GLB1L2: variants seen among roughly 807,000 people sequenced by gnomAD.
GLB1L2 encodes beta-galactosidase-1-like protein 2.
GLB1L2 carries 68 observed loss-of-function variants against 84.1 expected under a neutral mutation model. That is an observed-to-expected ratio of 0.81 (90% confidence interval 0.67 to 0.99). The LOEUF (loss-of-function observed/expected upper bound fraction) is 0.99, where lower values mean the gene tolerates loss of function less well. GLB1L2 is among the 50% of genes least tolerant of loss of function. The probability of loss-of-function intolerance (pLI) is 0.00; values close to 1 mark genes in which losing one functional copy is unlikely to be tolerated. For missense variants in GLB1L2, 762 were observed against 805.6 expected (o/e 0.95, Z 0.66); for synonymous variants, 290 against 318.0 (o/e 0.91, Z 0.94).
chr11:134,371,726 C>A, intron 14 of GLB1L2, 26 bp from the exon 15 acceptor site: 1 of 1,611,812 alleles, frequency 6.2e-7, no homozygotes, highest in South Asian at 1.1e-5. Context: ...TTCTGACAGT[C>A]ATCGTTAGCC....
Position 134,370,630 on chromosome 11 carries a change from T to C in GLB1L2, c.1215+231T>C, listed in dbSNP as rs3741099. Among the ~76,000 whole-genome samples the C allele has an allele frequency of 0.24, 35,815 of 151,378 alleles. 5,274 individuals are homozygous for C. Among genetic ancestry groups the C allele is most frequent in the Admixed American group, 0.38 (5,792 of 15,236 alleles). Reference sequence around the variant, plus strand: ...GGAAGAGGACAGACTCATGCTGGAGTGTGAAGTGGGAGAAACAGAGGTCCC... The same window carrying C: ...GGAAGAGGACAGACTCATGCTGGAGCGTGAAGTGGGAGAAACAGAGGTCCC... On this transcript the variant is annotated intron_variant, in intron 12 of 18. Transcript: ENST00000535456. This position sits in a 1 kb window ranked among gnomAD's most constrained non-coding sequence, Gnocchi z 4.7.
intron 6 of GLB1L2, among the ~76,000 whole-genome samples, chr11:134,358,477 G>A (rs1445060534): frequency 3.9e-5 from 6 of 152,376 alleles, no homozygotes; most frequent in Admixed American, 6.5e-5. Flanking sequence ...CAAGCACAGC[G>A]TTTCTTCCAC....
chr11:134,335,911 C>T (rs780454391), intron 1 of GLB1L2, among the ~76,000 whole-genome samples: 6 of 152,194 alleles, frequency 3.9e-5, no homozygotes, highest in Non-Finnish European at 7.3e-5. Context: ...TCCCTCTCCA[C>T]CATCACCAGC....
rs188279814 is a variant in GLB1L2 at position 134,339,952 on chromosome 11, C to A, written c.87-2802C>A. 6.6e-5 allele frequency among the ~76,000 whole-genome samples: 10 copies of A among 152,262 alleles called. No individual in the cohort carries two copies. In the East Asian group the frequency reaches 1.9e-3, roughly 29 times the overall value. ...GTTCAGAGGTGTGGCTGTCTATAGA[C>A]CACACCTGGAGAAGTCAGCCTAGAG... On this transcript the variant is annotated intron_variant, in intron 1 of 18. Coordinates refer to ENST00000535456, the MANE Select transcript of GLB1L2 (RefSeq NM_001370461.1). The surrounding 1 kb of genome is among the most constrained non-coding windows in gnomAD (Gnocchi z 5.7).
At chr11:134,364,484 C>A in intron 8 of GLB1L2, 86 bp downstream of exon 8, 2 of 1,096,090 alleles carry the variant, frequency 1.8e-6, no homozygotes, top group Non-Finnish European at 2.7e-6. Flanking sequence ...CTCAGCTTCC[C>A]CAGCGCAGGG....
chr11:134,347,496 T>C, intron 5 of GLB1L2, 63 bp downstream of exon 5: 1 of 1,176,796 alleles, frequency 8.5e-7, no homozygotes, highest in South Asian at 1.2e-5. Flanking sequence ...GGATCATCCT[T>C]GGTTAGTTCT....
In GLB1L2 at chr11:134,370,750, G is replaced by T. The variant is rs1393704487; in HGVS notation, c.1216-258G>T. Among the ~76,000 whole-genome samples the T allele has an allele frequency of 6.6e-6, 1 of 152,182 alleles. No homozygotes were observed. The highest frequency in any genetic ancestry group is 6.5e-5 in the Admixed American group (1 of 15,290). On this transcript the variant is annotated intron_variant, in intron 12 of 18. Coordinates refer to ENST00000535456, the MANE Select transcript of GLB1L2 (RefSeq NM_001370461.1). The surrounding 1 kb of genome is among the most constrained non-coding windows in gnomAD (Gnocchi z 4.7). ...GAACAGGCCGTCCCCTCCCCAAGAAGGGGGTGCCTCCTCCGGCGGACTGAG... is the reference window on the plus strand; with the variant it reads ...GAACAGGCCGTCCCCTCCCCAAGAATGGGGTGCCTCCTCCGGCGGACTGAG...
Position 134,374,206 on chromosome 11 carries a change from G to C in GLB1L2, c.1657G>C (p.Gly553Arg), listed in dbSNP as rs1432765639. The C allele has an allele frequency of 2.5e-6, 4 of 1,614,134 alleles. No homozygotes were observed. The highest frequency in any genetic ancestry group is 3.4e-6 in the Non-Finnish European group (4 of 1,179,994). ...ACCCACATTACCTGCTTTCTTCTTG[G>C]GTAGCTTGTCCATCAGCTCCACCCC... ...ETPTLPAFFLGSLSISSTPCD... is the reference protein window; with the variant it reads ...ETPTLPAFFLRSLSISSTPCD... The change falls in exon 17 of 19, where the codon GGT (glycine) becomes CGT (arginine). Residue 553 changes from glycine to arginine, a missense_variant. Around this residue, in one of 3 missense-constraint regions of GLB1L2, gnomAD observed 603 missense variants for 611.7 expected, o/e 0.99. Transcript: ENST00000535456.
intron 7 of GLB1L2, chr11:134,361,457 G>A (rs960646856): frequency 6.6e-6 from 1 of 152,326 alleles, no homozygotes; most frequent in Non-Finnish European, 1.5e-5. Context: ...GTTCACTGCA[G>A]GCACCTGCCA....
chr11:134,374,829 C>T, intron 18 of GLB1L2, 111 bp downstream of exon 18: 13 of 1,160,468 alleles, frequency 1.1e-5, no homozygotes, highest in Non-Finnish European at 1.7e-5. Context: ...CCTCCCTCCT[C>T]CTCGCTGCAG....
chr11:134,346,807 A>G (rs1943557947), intron 4 of GLB1L2: 1 of 154,600 alleles, frequency 6.5e-6, no homozygotes, highest in African/African-American at 2.5e-5. Flanking sequence ...ACTCTTGCTC[A>G]CCTGCTGCTC....
rs975288669 is a variant in GLB1L2, at chr11:134,376,172, C to G, written c.*1114C>G. 2 of 148,004 alleles carry G rather than the reference C, an allele frequency of 1.4e-5. No individual in the cohort carries two copies. The highest frequency in any genetic ancestry group is 2.5e-5 in the African/African-American group (1 of 39,464). The allele number at this position is 148,004 out of a possible 1,614,324, so 9.2% of individuals were successfully genotyped here. On this transcript the variant is annotated 3_prime_UTR_variant, in exon 19 of 19. Coordinates refer to ENST00000535456, the MANE Select transcript of GLB1L2 (RefSeq NM_001370461.1). ...AGAAGGCCCAGCTCAGTGGCCCCCG[C>G]CCCCCACCCCCCACGCCCGAACAGC...
At chr11:134,346,422 C>T (rs995017415) in intron 4 of GLB1L2, 4 of 152,474 alleles carry the variant, frequency 2.6e-5, no homozygotes, top group African/African-American at 9.6e-5. Flanking sequence ...TCAGACTCCC[C>T]CTTCTCACCC....
intron 5 of GLB1L2, among the ~76,000 whole-genome samples, chr11:134,348,878 A>G (rs922807847): frequency 6.6e-6 from 1 of 152,228 alleles, no homozygotes; most frequent in Non-Finnish European, 1.5e-5. Context: ...TACATGGCAG[A>G]GAGCGTCAGA....
chr11:134,359,344 G>A (rs1224623984), intron 7 of GLB1L2, among the ~76,000 whole-genome samples: 1 of 152,226 alleles, frequency 6.6e-6, no homozygotes, highest in Admixed American at 6.5e-5. Flanking sequence ...GGCTGGCTGG[G>A]TGGCTGTTCT....
Position 134,334,642 on chromosome 11 carries a change from A to C in GLB1L2, c.86+2495A>C, listed in dbSNP as rs759586812. Among the ~76,000 whole-genome samples, 3 of 152,034 alleles carry C rather than the reference A, an allele frequency of 2.0e-5. No individual in the cohort carries two copies. The highest frequency in any genetic ancestry group is 2.9e-5 in the Non-Finnish European group (2 of 67,990). ...CAAAGTTTCCATGTACCTCTCTGTC[A>C]TCCCTCCCTCCTACTCCTCCCTGCT... On this transcript the variant is annotated intron_variant, in intron 1 of 18. Coordinates refer to ENST00000535456, the MANE Select transcript of GLB1L2 (RefSeq NM_001370461.1). The surrounding 1 kb of genome is among the most constrained non-coding windows in gnomAD (Gnocchi z 4.1).
intron 2 of GLB1L2, 112 bp downstream of exon 2, chr11:134,343,063 A>C: frequency 9.1e-7 from 1 of 1,099,620 alleles, no homozygotes; most frequent in Non-Finnish European, 1.3e-6. Flanking sequence ...AGGGCGAGAG[A>C]GCCAGGGTCT....
In GLB1L2 at chr11:134,334,994, T is replaced by C. The variant is rs1195954178; in HGVS notation, c.86+2847T>C. On this transcript the variant is annotated intron_variant, in intron 1 of 18. Coordinates refer to ENST00000535456, the MANE Select transcript of GLB1L2 (RefSeq NM_001370461.1). This position sits in a 1 kb window ranked among gnomAD's most constrained non-coding sequence, Gnocchi z 4.1. ...AAGAATACAGGCAACGCTGCATCTC[T>C]CATACCTGAAATTTTAGCTGGGAAA... 1.3e-5 allele frequency among the ~76,000 whole-genome samples: 2 copies of C among 152,132 alleles called. No individual in the cohort carries two copies. Among genetic ancestry groups the C allele is most frequent in the Non-Finnish European group, 2.9e-5 (2 of 68,026 alleles).
At chr11:134,368,600 A>G in intron 9 of GLB1L2, 44 bp from the exon 10 acceptor site, 1 of 1,610,438 alleles carries the variant, frequency 6.2e-7, no homozygotes. Context: ...CTCATCTCAG[A>G]CTTTAACTCA....
Sources: allele counts gnomAD v4.1 joint callset (sites outside exome capture counted in the v4.1 genomes callset), GRCh38; gene constraint gnomAD v4.1.1; regional missense constraint gnomAD v4.1.1; non-coding constraint Gnocchi (gnomAD v3.1); transcripts MANE v1.5; gene names NCBI Gene and HGNC (gene_info 2026-07-23, HGNC 2026-07-21).